Variants in DDX46 observed in about 807,000 individuals in gnomAD.
The protein encoded by DDX46 is DEAD-box helicase 46.
In DDX46, 30 loss-of-function variants were observed where a neutral mutation model predicts 134.9. The observed-to-expected ratio is 0.22, with a 90% CI of 0.17 to 0.30. The LOEUF (loss-of-function observed/expected upper bound fraction) is 0.30. Ranked by LOEUF, DDX46 falls within the 10% of genes least tolerant of loss-of-function variation. The pLI is 1.00. For synonymous variants in DDX46, 415 were observed against 404.1 expected (o/e 1.03, Z -0.32); for missense variants, 622 against 1,248.7 (o/e 0.50, Z 7.56).
chr5:134,763,359 C>T (rs1753455649), intron 1 of DDX46, among the ~76,000 whole-genome samples: 1 of 152,140 alleles, frequency 6.6e-6, no homozygotes, highest in East Asian at 1.9e-4. Context: ...CCAGGTTTGG[C>T]TTCCCTGCTG....
intron 5 of DDX46, among the ~76,000 whole-genome samples, chr5:134,774,088 ACT>A (rs1753859563): frequency 6.6e-6 from 1 of 152,052 alleles, no homozygotes; most frequent in South Asian, 2.1e-4. Context: ...CCATACAGAA[ACT>A]CTGCACCTTT....
chr5:134,767,058 T>C lies in DDX46; in HGVS notation c.348T>C (p.Asn116=), dbSNP rs981068449. 16 of 1,611,680 alleles carry C rather than the reference T, an allele frequency of 9.9e-6. No individual in the cohort carries two copies. In the Admixed American group the frequency reaches 2.2e-4, roughly 22 times the overall value. ...SPGNKSKKTE[N]RSRSKEKTDG... is the part of the protein sequence containing the mutation. ...GAAATAAAAGCAAGAAAACTGAGAATAGGTAATGTTATCATTGGGCTGCAT... is the reference window on the plus strand; with the variant it reads ...GAAATAAAAGCAAGAAAACTGAGAACAGGTAATGTTATCATTGGGCTGCAT... Residue 116 remains asparagine (N), a splice_region_variant and synonymous_variant, in exon 3 of 23, where the codon AAT becomes AAC. Coordinates refer to ENST00000452510, the MANE Select transcript of DDX46 (RefSeq NM_001300860.2).
At chr5:134,798,718 T>G (rs907171558) in intron 15 of DDX46, among the ~76,000 whole-genome samples, 1 of 152,236 alleles carries the variant, frequency 6.6e-6, no homozygotes, top group East Asian at 1.9e-4. Flanking sequence ...GTACCTCCTA[T>G]AAGTAGAATC....
intron 5 of DDX46, among the ~76,000 whole-genome samples, chr5:134,775,866 G>T (rs1753919250): frequency 6.6e-6 from 1 of 152,064 alleles, no homozygotes; most frequent in South Asian, 2.1e-4. Context: ...TTCTGTGATT[G>T]AAAGGTAATT....
chr5:134,827,250 C>T (rs962966290), intron 22 of DDX46, among the ~76,000 whole-genome samples: 3 of 151,816 alleles, frequency 2.0e-5, no homozygotes, highest in African/African-American at 7.2e-5. Flanking sequence ...CCAACAAAAC[C>T]ATACCTTGAA....
intron 8 of DDX46, 38 bp from the exon 9 acceptor site, chr5:134,782,907 A>G (rs1754199345): frequency 6.2e-7 from 1 of 1,602,656 alleles, no homozygotes; most frequent in Admixed American, 1.7e-5. Flanking sequence ...CCAATAGAAC[A>G]ATATTTAAGA....
intron 2 of DDX46, among the ~76,000 whole-genome samples, 190 bp from the exon 3 acceptor site, chr5:134,766,727 A>G (rs911781042): frequency 3.3e-5 from 5 of 152,218 alleles, no homozygotes; most frequent in Admixed American, 2.6e-4. Flanking sequence ...GTCTTTAAAA[A>G]AATGAAAGAA....
intron 4 of DDX46, among the ~76,000 whole-genome samples, 182 bp downstream of exon 4, chr5:134,771,181 G>A (rs1270602759): frequency 6.6e-6 from 1 of 150,430 alleles, no homozygotes; most frequent in Non-Finnish European, 1.5e-5. Flanking sequence ...GCACATTCTC[G>A]GCTCCTGAGT....
chr5:134,770,971 A>G lies in DDX46; in HGVS notation c.419A>G (p.Lys140Arg). 1 of 1,488,592 alleles carries G rather than the reference A, an allele frequency of 6.7e-7. No homozygotes were observed. The highest frequency in any genetic ancestry group is 1.4e-5 in the African/African-American group (1 of 71,310). The allele number at this position is 1,488,592 out of a possible 1,614,324, so 92.2% of individuals were successfully genotyped here. The change falls in exon 4 of 23, where the codon AAG becomes AGG. Residue 140 changes from lysine (K) to arginine (R), a missense_variant. By Grantham distance (26) the Lys-to-Arg change is conservative (BLOSUM62 2). Around this residue, in one of 8 missense-constraint regions of DDX46, gnomAD observed 244 missense variants for 349.3 expected, o/e 0.70. Coordinates refer to ENST00000452510, the MANE Select transcript of DDX46 (RefSeq NM_001300860.2). ...SKEKKKDKDD[K>R]EDEKEKDAGN... ...GAGAAGAAAAAAGACAAAGATGACAAGGAGGATGAAAAAGAAAAAGATGCT... is the reference window on the plus strand; with the variant it reads ...GAGAAGAAAAAAGACAAAGATGACAGGGAGGATGAAAAAGAAAAAGATGCT...
chr5:134,821,927 C>T (rs1275268412), intron 21 of DDX46, among the ~76,000 whole-genome samples: 11 of 146,184 alleles, frequency 7.5e-5, no homozygotes, highest in Middle Eastern at 3.6e-3. Context: ...GAGTCTCACT[C>T]TGTTGCCCAG....
At chr5:134,795,702 A>G (rs567197686) in intron 14 of DDX46, among the ~76,000 whole-genome samples, 2 of 152,286 alleles carry the variant, frequency 1.3e-5, no homozygotes, top group Admixed American at 1.3e-4. Context: ...CCCTGTCTCT[A>G]CAAAGGAAAA....
intron 14 of DDX46, 57 bp from the exon 15 acceptor site, chr5:134,795,931 C>A: frequency 6.7e-7 from 1 of 1,491,260 alleles, no homozygotes; most frequent in South Asian, 1.2e-5. Context: ...ATATTTCTGT[C>A]CAGGGGATCC....
At chr5:134,777,811 C>A in intron 6 of DDX46, 86 bp downstream of exon 6, 4 of 1,439,556 alleles carry the variant, frequency 2.8e-6, no homozygotes, top group Non-Finnish European at 3.7e-6. Flanking sequence ...ATTGGCATGA[C>A]TTTGTAAAGC....
At chr5:134,766,039 A>G (rs1251812632) in intron 2 of DDX46, among the ~76,000 whole-genome samples, 6 of 152,282 alleles carry the variant, frequency 3.9e-5, no homozygotes, top group Admixed American at 3.9e-4. Context: ...AGACCCAGAA[A>G]GTTGGAGATC....
intron 13 of DDX46, among the ~76,000 whole-genome samples, chr5:134,790,965 C>T (rs1427543811): frequency 1.3e-5 from 2 of 148,792 alleles, no homozygotes; most frequent in Non-Finnish European, 2.9e-5. Flanking sequence ...CCTGGGACTA[C>T]AGGTGCCCGC....
At chr5:134,766,852 AT>A (rs1372447683) in intron 2 of DDX46, 64 bp from the exon 3 acceptor site, 1 of 1,528,888 alleles carries the variant, frequency 6.5e-7, no homozygotes, top group African/African-American at 1.4e-5. Context: ...GTGGGACAGA[AT>A]CCCCTGATCT....
intron 13 of DDX46, among the ~76,000 whole-genome samples, chr5:134,793,135 C>T (rs973380743): frequency 1.3e-5 from 2 of 151,918 alleles, no homozygotes; most frequent in African/African-American, 2.4e-5. Flanking sequence ...CCAGCCTGGG[C>T]GACAGAGTGA....
At chr5:134,810,875 A>G (rs1755122647) in intron 16 of DDX46, among the ~76,000 whole-genome samples, 1 of 151,836 alleles carries the variant, frequency 6.6e-6, no homozygotes, top group South Asian at 2.1e-4. Flanking sequence ...GCATAGTGGC[A>G]GGCGCCTATA....
chr5:134,817,727 T>C lies in DDX46; in HGVS notation c.2832+13T>C, dbSNP rs199864522. On this transcript the variant is annotated intron_variant, in intron 20 of 22. Transcript: ENST00000452510. ...TGACTTCCCACAGGCAAGTAACAGGTTTAAACCTTTTTTTATTGTGAAGTA... is the reference window on the plus strand; with the variant it reads ...TGACTTCCCACAGGCAAGTAACAGGCTTAAACCTTTTTTTATTGTGAAGTA... 4 of 1,603,674 alleles carry C rather than the reference T, an allele frequency of 2.5e-6. No individual in the cohort carries two copies. The highest frequency in any genetic ancestry group is 3.4e-6 in the Non-Finnish European group (4 of 1,174,966).
Sources: gnomAD v4.1 joint callset for allele counts (sites outside exome capture counted in the v4.1 genomes callset) on GRCh38, gnomAD v4.1.1 for gene constraint, gnomAD v4.1.1 regional missense constraint, MANE v1.5 for transcripts, NCBI Gene and HGNC (gene_info 2026-07-23, HGNC 2026-07-21) for gene names.